HIPK3: variants seen among roughly 807,000 people sequenced by gnomAD.
HIPK3 encodes the protein homeodomain-interacting protein kinase 3.
In HIPK3, 47 loss-of-function variants were observed where a neutral mutation model predicts 124.2. That is an observed-to-expected ratio of 0.38 (90% CI 0.30 to 0.48). The LOEUF is 0.48. Among genes scored for constraint, HIPK3 ranks in the 20% least tolerant of loss-of-function variants. The pLI, the probability that HIPK3 is intolerant of heterozygous loss-of-function variation, is 0.98. For synonymous variants in HIPK3, 482 were observed against 515.2 expected, an observed-to-expected ratio of 0.94 and a Z score of 0.87; for missense variants, 1,286 against 1,454.3, an observed-to-expected ratio of 0.88 and a Z score of 1.88.
chr11:33,312,398 G>A (rs1376524487), intron 2 of HIPK3, among the ~76,000 whole-genome samples: 1 of 152,156 alleles, frequency 6.6e-6, no homozygotes, highest in Admixed American at 6.6e-5. Flanking sequence ...AGATATAGAA[G>A]TTGATTAATT....
intron 2 of HIPK3, among the ~76,000 whole-genome samples, chr11:33,295,840 T>C (rs937438217): frequency 1.3e-5 from 2 of 152,260 alleles, no homozygotes; most frequent in Non-Finnish European, 2.9e-5. Flanking sequence ...TGAGGTGGTG[T>C]AACTGCCAGG....
At chr11:33,302,005 A>G (rs1198513214) in intron 2 of HIPK3, among the ~76,000 whole-genome samples, 1 of 152,196 alleles carries the variant, frequency 6.6e-6, no homozygotes, top group Non-Finnish European at 1.5e-5. Flanking sequence ...CTAAGGAATG[A>G]AACTCCTTAG....
rs566961498 is a variant in HIPK3 at position 33,319,552 on chromosome 11, A to AT, written c.1098-8951dup. ...ACATTGTTAAAGCTCAGTAAATAGT[A>AT]TTTTTTTAAATTTTGTAGTGATAAA... On this transcript the variant is annotated intron_variant, in intron 2 of 16. Transcript: ENST00000303296. Among the ~76,000 whole-genome samples the AT allele has an allele frequency of 2.4e-3, 370 of 151,946 alleles. 1 individual carries two copies. The highest frequency in any genetic ancestry group is 8.3e-3 in the African/African-American group (344 of 41,486).
intron 1 of HIPK3, among the ~76,000 whole-genome samples, chr11:33,285,909 C>T (rs535585281): frequency 3.7e-4 from 57 of 152,012 alleles, no homozygotes; most frequent in African/African-American, 1.3e-3. Context: ...GTAGCTGGGA[C>T]CACAGGCATG....
At chr11:33,278,360 A>G (rs183052934) in intron 1 of HIPK3, among the ~76,000 whole-genome samples, 1 of 152,208 alleles carries the variant, frequency 6.6e-6, no homozygotes, top group South Asian at 2.1e-4. Flanking sequence ...AAGAAGGACA[A>G]TATTTTGAGG....
chr11:33,257,054 T>C (rs756312198), upstream of HIPK3, among the ~76,000 whole-genome samples: 5 of 152,218 alleles, frequency 3.3e-5, no homozygotes, highest in Non-Finnish European at 5.9e-5. Context: ...TGGGATCTTT[T>C]TTAAAAATGT....
chr11:33,278,743 C>CT (rs1161645645), intron 1 of HIPK3, among the ~76,000 whole-genome samples: 3 of 152,022 alleles, frequency 2.0e-5, no homozygotes, highest in African/African-American at 4.8e-5. Context: ...ACTCGGAAGG[C>CT]TGAGGCAGGA....
chr11:33,349,111 A>G (rs769557218), intron 13 of HIPK3, 36 bp from the exon 14 acceptor site: 1 of 1,596,134 alleles, frequency 6.3e-7, no homozygotes, highest in Non-Finnish European at 8.6e-7. Flanking sequence ...ATCTTCTTGT[A>G]TTTGACTCAT....
At chr11:33,336,313 C>T (rs754034076) in intron 3 of HIPK3, among the ~76,000 whole-genome samples, 7 of 152,138 alleles carry the variant, frequency 4.6e-5, no homozygotes, top group Non-Finnish European at 1.0e-4. Flanking sequence ...TGGGAGAGCC[C>T]ATCAACTACC....
intron 1 of HIPK3, among the ~76,000 whole-genome samples, chr11:33,260,503 C>T (rs910088914): frequency 5.3e-5 from 8 of 152,126 alleles, no homozygotes; most frequent in African/African-American, 1.4e-4. Flanking sequence ...AATGCTAGTA[C>T]GACTTATCCT....
intron 1 of HIPK3, among the ~76,000 whole-genome samples, chr11:33,284,765 G>C (rs1851503876): frequency 6.6e-6 from 1 of 152,184 alleles, no homozygotes; most frequent in Admixed American, 6.5e-5. Context: ...TTTACCATTA[G>C]GGAAATTCCA....
At chr11:33,294,725 C>T (rs1418462773) in intron 2 of HIPK3, among the ~76,000 whole-genome samples, 1 of 152,146 alleles carries the variant, frequency 6.6e-6, no homozygotes, top group African/African-American at 2.4e-5. Flanking sequence ...CTGCCTCACA[C>T]CTCCTGAGTA....
intron 2 of HIPK3, among the ~76,000 whole-genome samples, chr11:33,323,490 G>A (rs572626623): frequency 2.1e-4 from 32 of 152,152 alleles, no homozygotes; most frequent in South Asian, 6.2e-4. Flanking sequence ...TGATCCTCCC[G>A]GCTTAGCCTC....
intron 2 of HIPK3, among the ~76,000 whole-genome samples, chr11:33,311,899 G>A (rs11602922): frequency 0.39 from 39,381 of 102,206 alleles, 7,926 homozygotes; most frequent in Middle Eastern, 0.53. Flanking sequence ...AACATAGCAA[G>A]ACCCTGTTTC....
intron 8 of HIPK3, among the ~76,000 whole-genome samples, chr11:33,346,628 A>T (rs1245781802): frequency 2.6e-5 from 4 of 152,224 alleles, no homozygotes; most frequent in Non-Finnish European, 5.9e-5. Flanking sequence ...CAGCATACTA[A>T]GCCAGATTCT....
At chr11:33,313,655 A>G (rs1466126230) in intron 2 of HIPK3, among the ~76,000 whole-genome samples, 1 of 152,106 alleles carries the variant, frequency 6.6e-6, no homozygotes, top group Non-Finnish European at 1.5e-5. Context: ...GATCAGTTAT[A>G]AGGAAAAAAA....
At chr11:33,273,072 G>T (rs1001332751) in intron 1 of HIPK3, among the ~76,000 whole-genome samples, 1 of 151,486 alleles carries the variant, frequency 6.6e-6, no homozygotes, top group South Asian at 2.1e-4. Context: ...GGGCTCAAAT[G>T]ATCCTCCTGC....
chr11:33,314,866 T>C (rs982597899), intron 2 of HIPK3, among the ~76,000 whole-genome samples: 5 of 152,216 alleles, frequency 3.3e-5, no homozygotes, highest in African/African-American at 9.6e-5. Flanking sequence ...ATTTTAAATA[T>C]ACTTCATAGT....
chr11:33,259,546 C>G (rs1288753902), intron 1 of HIPK3, among the ~76,000 whole-genome samples: 2 of 152,114 alleles, frequency 1.3e-5, no homozygotes, highest in Non-Finnish European at 2.9e-5. Flanking sequence ...TTTTACCAGC[C>G]AGATACAGTT....
Sources: allele counts gnomAD v4.1 joint callset (sites outside exome capture counted in the v4.1 genomes callset), GRCh38; gene constraint gnomAD v4.1.1; transcripts MANE v1.5; gene names NCBI Gene and HGNC (gene_info 2026-07-23, HGNC 2026-07-21).